The following METTL15 variants were observed in gnomAD, a reference collection of about 807,000 sequenced individuals.
The protein encoded by METTL15 is methyltransferase 15, mitochondrial 12S rRNA N4-cytidine.
A neutral mutation model predicts 38.3 loss-of-function variants in METTL15; 34 were observed. The observed-to-expected ratio is 0.89, with a 90% CI of 0.68 to 1.18. The LOEUF is 1.18. METTL15 is among the 50% of genes most tolerant of loss of function. METTL15 has a pLI of 0.00. For missense variants in METTL15, 438 were observed against 498.4 expected, an observed-to-expected ratio of 0.88 and a Z score of 1.15; for synonymous variants, 162 against 170.9, an observed-to-expected ratio of 0.95 and a Z score of 0.41.
chr11:28,353,644 G>A (rs1003642389), intron 4 of METTL15, among the ~76,000 whole-genome samples: 8 of 152,158 alleles, frequency 5.3e-5, no homozygotes, highest in Non-Finnish European at 8.8e-5. Flanking sequence ...ATAAGATGTC[G>A]GCCGGGCGCG....
rs1321699635 is a variant in METTL15 at position 28,372,885 on chromosome 11, T to C, written c.*358+10849T>C. Among the ~76,000 whole-genome samples the C allele has an allele frequency of 2.0e-5, 3 of 148,586 alleles. No homozygotes were observed. In the East Asian group the frequency reaches 6.2e-4, roughly 30 times the overall value. ...ATATGCGGTGTTTGGTTTTTTGTTC[T>C]TGCGATAGTTTACTGAGAATGATGA... On this transcript the variant is annotated intron_variant and NMD_transcript_variant, in intron 5 of 7. Coordinates refer to the METTL15 transcript ENST00000532947.
At chr11:28,461,045 A>T (rs1315869460) in intron 6 of METTL15, among the ~76,000 whole-genome samples, 1 of 152,108 alleles carries the variant, frequency 6.6e-6, no homozygotes, top group Non-Finnish European at 1.5e-5. Flanking sequence ...CAGAGACTCA[A>T]GTCAAGTGAG....
At chr11:28,446,614 A>G (rs540949074) in intron 6 of METTL15, among the ~76,000 whole-genome samples, 1 of 152,166 alleles carries the variant, frequency 6.6e-6, no homozygotes, top group Non-Finnish European at 1.5e-5. Flanking sequence ...TTATCATATC[A>G]ATAACTACAC....
intron 3 of METTL15, among the ~76,000 whole-genome samples, chr11:28,189,470 T>TA (rs1851621654): frequency 6.6e-6 from 1 of 151,328 alleles, no homozygotes. Context: ...GCTAAAGCAC[T>TA]AATTGGAATA....
At chr11:28,287,928 C>T (rs1856349460) in intron 4 of METTL15, among the ~76,000 whole-genome samples, 1 of 142,842 alleles carries the variant, frequency 7.0e-6, no homozygotes, top group South Asian at 2.1e-4. Flanking sequence ...GTTTTGCAGT[C>T]TCTTCCTGAG....
At chr11:28,347,120 T>C (rs918398668) in intron 3 of METTL15, among the ~76,000 whole-genome samples, 6 of 152,220 alleles carry the variant, frequency 3.9e-5, no homozygotes, top group Admixed American at 3.9e-4. Flanking sequence ...CCTCTTCTTC[T>C]AAAAGATGTG....
intron 4 of METTL15, among the ~76,000 whole-genome samples, chr11:28,271,941 C>T (rs976108422): frequency 6.6e-6 from 1 of 152,066 alleles, no homozygotes; most frequent in Non-Finnish European, 1.5e-5. Flanking sequence ...AAGACATTTA[C>T]GTGGTCAACA....
At chr11:28,483,038 A>G (rs546197292) in intron 6 of METTL15, among the ~76,000 whole-genome samples, 1 of 136,594 alleles carries the variant, frequency 7.3e-6, no homozygotes, top group East Asian at 2.0e-4. Context: ...AGTGAACATG[A>G]AAAAAAAAAA....
At chr11:28,417,823 C>T (rs1850786343) in intron 5 of METTL15, among the ~76,000 whole-genome samples, 1 of 152,118 alleles carries the variant, frequency 6.6e-6, no homozygotes, top group Non-Finnish European at 1.5e-5. Context: ...CTATCTGGAA[C>T]ATTAAGGAAA....
In METTL15 at chr11:28,218,525, G is replaced by C. The variant is rs781112844; in HGVS notation, c.407+7327G>C. 3.9e-5 allele frequency among the ~76,000 whole-genome samples: 6 copies of C among 152,022 alleles called. No homozygotes were observed. In the East Asian group the frequency reaches 7.7e-4, roughly 20 times the overall value. ...GCAAACAGGAACAATTTGACTTCCT[G>C]TTTTCCTAATTGAATACCCTTTATT... On this transcript the variant is annotated intron_variant, in intron 4 of 6. Coordinates refer to ENST00000407364, the MANE Select transcript of METTL15 (RefSeq NM_001113528.2).
chr11:28,441,059 C>CTTTT (rs35401554), intron 6 of METTL15, among the ~76,000 whole-genome samples: 2 of 141,822 alleles, frequency 1.4e-5, no homozygotes, highest in African/African-American at 5.2e-5. Flanking sequence ...TATGACACTA[C>CTTTT]TTTTTTTTTT....
chr11:28,379,730 T>A (rs898745496), intron 5 of METTL15, among the ~76,000 whole-genome samples: 1 of 152,180 alleles, frequency 6.6e-6, no homozygotes, highest in African/African-American at 2.4e-5. Flanking sequence ...ATTTCTTTTT[T>A]CTAGTGTGTA....
intron 6 of METTL15, among the ~76,000 whole-genome samples, chr11:28,447,785 A>T (rs966581665): frequency 2.0e-5 from 3 of 152,184 alleles, no homozygotes; most frequent in African/African-American, 4.8e-5. Flanking sequence ...GAGGGAGACT[A>T]TAAATGCCTT....
At chr11:28,400,232 T>C (rs1850617820) in intron 5 of METTL15, among the ~76,000 whole-genome samples, 1 of 121,776 alleles carries the variant, frequency 8.2e-6, no homozygotes, top group African/African-American at 2.5e-5. Flanking sequence ...GCAAATTTTC[T>C]CTTTTTTTTT....
At chr11:28,431,155 TG>T (rs1850923678) in intron 6 of METTL15, among the ~76,000 whole-genome samples, 1 of 74,782 alleles carries the variant, frequency 1.3e-5, no homozygotes, top group South Asian at 4.7e-4. Flanking sequence ...GGGAGGGAGG[TG>T]GGGGGGTCAG....
intron 3 of METTL15, among the ~76,000 whole-genome samples, chr11:28,196,978 T>A (rs1775710630): frequency 6.6e-6 from 1 of 152,012 alleles, no homozygotes; most frequent in Non-Finnish European, 1.5e-5. Flanking sequence ...CAAAGTCTTT[T>A]AAAGTATTAG....
chr11:28,113,154 A>G (rs137903965), intron 2 of METTL15, among the ~76,000 whole-genome samples, 164 bp from the exon 3 acceptor site: 1 of 152,222 alleles, frequency 6.6e-6, no homozygotes, highest in Non-Finnish European at 1.5e-5. Flanking sequence ...CTTGCTTTGT[A>G]TATATAAGAA....
At chr11:28,320,086 C>A (rs938612641) in intron 6 of METTL15, among the ~76,000 whole-genome samples, 14 of 152,074 alleles carry the variant, frequency 9.2e-5, no homozygotes, top group South Asian at 4.2e-4. Context: ...ATGTTTTAAT[C>A]CCCAGTGTTT....
chr11:28,304,460 A>G (rs2134013996), intron 6 of METTL15, among the ~76,000 whole-genome samples: 1 of 152,254 alleles, frequency 6.6e-6, no homozygotes, highest in South Asian at 2.1e-4. Context: ...GGCTCACTCT[A>G]TACTGCAAGC....
Sources: allele counts gnomAD v4.1 joint callset (sites outside exome capture counted in the v4.1 genomes callset), GRCh38; gene constraint gnomAD v4.1.1; transcripts MANE v1.5; gene names NCBI Gene and HGNC (gene_info 2026-07-23, HGNC 2026-07-21).